The following DAB2IP variants were observed in gnomAD, a reference collection of about 807,000 sequenced individuals.
DAB2IP encodes DAB2 interacting protein.
DAB2IP carries 28 observed loss-of-function variants against 107.2 expected under a neutral mutation model. The observed-to-expected ratio is 0.26, with a 90% CI of 0.19 to 0.36. DAB2IP has a LOEUF of 0.36. DAB2IP is among the 10% of genes least tolerant of loss of function. The pLI is 1.00. For synonymous variants in DAB2IP, 755 were observed against 706.4 expected (o/e 1.07, Z -1.09); for missense variants, 1,400 against 1,644.7 (o/e 0.85, Z 2.57).
intron 1 of DAB2IP, among the ~76,000 whole-genome samples, chr9:121,652,726 G>A (rs1192194886): frequency 1.3e-5 from 2 of 152,182 alleles, no homozygotes; most frequent in Non-Finnish European, 2.9e-5. Context: ...TATCTTGAAA[G>A]TGGGAAGCCG....
At position 121,772,459 on chromosome 9, in the gene DAB2IP, G is replaced by A. The variant is rs1423391281; in HGVS notation, c.2079-148G>A. On this transcript the variant is annotated intron_variant, in intron 11 of 15. Transcript: ENST00000408936. This position sits in a 1 kb window ranked among gnomAD's most constrained non-coding sequence, Gnocchi z 4.7. ...CTGGTCCCCGGATTCTCCCACTCCT[G>A]CCACCCCAGCGCATCCATCTCCCCA... The A allele has an allele frequency of 7.2e-6, 6 of 832,538 alleles. No homozygotes were observed. The Admixed American group carries it at 1.5e-4, about 21-fold the overall frequency. 51.6% of individuals were successfully genotyped at this position (832,538 alleles called of 1,614,324 possible).
rs550238429 is a variant in DAB2IP at position 121,743,522 on chromosome 9, A to C, written c.363-13491A>C. On this transcript the variant is annotated intron_variant, in intron 3 of 15. Transcript: ENST00000408936. ...GCCCAAGTAGGACACTGGCCCTTTA[A>C]AAGCACATTACAGAGAGTTGGAACA... Among the ~76,000 whole-genome samples, 36 of 152,286 alleles carry C rather than the reference A, an allele frequency of 2.4e-4. No individual in the cohort carries two copies. The East Asian group carries it at 6.8e-3, about 29-fold the overall frequency.
intron 1 of DAB2IP, among the ~76,000 whole-genome samples, chr9:121,623,175 G>T (rs12004365): frequency 0.034 from 5,111 of 152,266 alleles, 286 homozygotes; most frequent in African/African-American, 0.12. Context: ...CCAAGCCGGG[G>T]TCCTCGCTGT....
intron 3 of DAB2IP, among the ~76,000 whole-genome samples, chr9:121,713,275 T>G (rs1347400844): frequency 6.6e-6 from 1 of 152,136 alleles, no homozygotes; most frequent in Non-Finnish European, 1.5e-5. Flanking sequence ...ATTTGCTCCC[T>G]GGATAGATGT....
intron 3 of DAB2IP, among the ~76,000 whole-genome samples, chr9:121,752,194 T>C (rs1395501011): frequency 1.3e-5 from 2 of 152,236 alleles, no homozygotes; most frequent in African/African-American, 4.8e-5. Flanking sequence ...ATTGGAATGC[T>C]GCTCTTGGGA....
chr9:121,728,936 T>A (rs1012448149), intron 3 of DAB2IP, among the ~76,000 whole-genome samples: 8 of 152,230 alleles, frequency 5.3e-5, no homozygotes, highest in Non-Finnish European at 1.2e-4. Flanking sequence ...GGTGGCCTCA[T>A]CTGTTAACGA....
intron 3 of DAB2IP, among the ~76,000 whole-genome samples, chr9:121,709,067 C>G (rs1172878620): frequency 6.6e-6 from 1 of 152,212 alleles, no homozygotes; most frequent in Non-Finnish European, 1.5e-5. Context: ...TAATAGCAGG[C>G]GTTCCTGAGT....
chr9:121,765,360 C>T (rs1377181734), intron 8 of DAB2IP, among the ~76,000 whole-genome samples: 6 of 152,268 alleles, frequency 3.9e-5, no homozygotes, highest in Admixed American at 3.3e-4. Flanking sequence ...GCCCCCTGTC[C>T]AGTTCTGTGC....
At chr9:121,622,137 T>C (rs1372586808) in intron 1 of DAB2IP, among the ~76,000 whole-genome samples, 1 of 151,952 alleles carries the variant, frequency 6.6e-6, no homozygotes, top group African/African-American at 2.4e-5. Flanking sequence ...TACAGGCGTG[T>C]GCCACCACGC....
intron 1 of DAB2IP, among the ~76,000 whole-genome samples, chr9:121,604,772 C>T (rs1830809979): frequency 6.6e-6 from 1 of 152,180 alleles, no homozygotes; most frequent in South Asian, 2.1e-4. Flanking sequence ...GGGCTCTGGG[C>T]TTTAGAAATT....
chr9:121,750,372 GC>G (rs1461350922), intron 3 of DAB2IP, among the ~76,000 whole-genome samples: 2 of 152,148 alleles, frequency 1.3e-5, no homozygotes, highest in Admixed American at 1.3e-4. Flanking sequence ...TGCACTGCCT[GC>G]CTTTGTGTAC....
chr9:121,587,968 C>G (rs1471439513), intron 1 of DAB2IP, among the ~76,000 whole-genome samples: 1 of 152,244 alleles, frequency 6.6e-6, no homozygotes, highest in Non-Finnish European at 1.5e-5. Flanking sequence ...CCCCCATCTC[C>G]TCACATCAGT....
chr9:121,682,531 C>T (rs1008744522), intron 2 of DAB2IP, among the ~76,000 whole-genome samples: 1 of 152,152 alleles, frequency 6.6e-6, no homozygotes, highest in Non-Finnish European at 1.5e-5. Flanking sequence ...ACATGCCACC[C>T]CTCCTCATTT....
At chr9:121,675,196 TG>T (rs1013395654) in intron 1 of DAB2IP, among the ~76,000 whole-genome samples, 1 of 152,096 alleles carries the variant, frequency 6.6e-6, no homozygotes, top group African/African-American at 2.4e-5. Flanking sequence ...TAAAGTGATC[TG>T]GGCGCCCCCA....
intron 2 of DAB2IP, among the ~76,000 whole-genome samples, chr9:121,687,206 C>T (rs1238690582): frequency 1.3e-5 from 2 of 152,158 alleles, no homozygotes; most frequent in African/African-American, 4.8e-5. Context: ...CTGGGAGCAG[C>T]TCAGATCCGG....
intron 11 of DAB2IP, among the ~76,000 whole-genome samples, chr9:121,771,162 G>A (rs1459560262): frequency 6.6e-6 from 1 of 152,130 alleles, no homozygotes; most frequent in Non-Finnish European, 1.5e-5. Flanking sequence ...TAGGAATTCG[G>A]TGGCTCTGCC....
intron 1 of DAB2IP, among the ~76,000 whole-genome samples, chr9:121,613,001 T>C (rs1831148369): frequency 6.6e-6 from 1 of 152,180 alleles, no homozygotes; most frequent in African/African-American, 2.4e-5. Context: ...AGTTTCCCCA[T>C]TTGTCCTGGC....
At chr9:121,574,343 C>T (rs1460096209) in intron 1 of DAB2IP, among the ~76,000 whole-genome samples, 2 of 152,084 alleles carry the variant, frequency 1.3e-5, no homozygotes, top group African/African-American at 2.4e-5. Context: ...CTGACACCAG[C>T]CTAGCCTGCC....
At chr9:121,778,042 GACTGGGTAAT>G (rs1835328916) in intron 14 of DAB2IP, among the ~76,000 whole-genome samples, 1 of 152,124 alleles carries the variant, frequency 6.6e-6, no homozygotes, top group African/African-American at 2.4e-5. Flanking sequence ...AGGTACCTTA[GACTGGGTAAT>G]TTATAAACAA....
Sources: gnomAD v4.1 joint callset for allele counts (sites outside exome capture counted in the v4.1 genomes callset) on GRCh38, gnomAD v4.1.1 for gene constraint, Gnocchi (gnomAD v3.1) non-coding constraint, MANE v1.5 for transcripts, NCBI Gene and HGNC (gene_info 2026-07-23, HGNC 2026-07-21) for gene names.